Variants in GUCY2C observed in about 807,000 individuals in gnomAD.
GUCY2C encodes guanylyl cyclase C.
A neutral mutation model predicts 131.1 loss-of-function variants in GUCY2C; 118 were observed. That is an observed-to-expected ratio of 0.90 (90% confidence interval 0.78 to 1.05). The LOEUF (loss-of-function observed/expected upper bound fraction) is 1.05, where lower values mean the gene tolerates loss of function less well. Among genes scored for constraint, GUCY2C ranks in the 50% least tolerant of loss-of-function variants. The pLI is 0.00. For synonymous variants in GUCY2C, 452 were observed against 457.8 expected (o/e 0.99, Z 0.16); for missense variants, 1,161 against 1,304.4 (o/e 0.89, Z 1.69).
intron 1 of GUCY2C, among the ~76,000 whole-genome samples, chr12:14,693,872 T>G (rs569759156): frequency 2.6e-5 from 4 of 152,374 alleles, no homozygotes; most frequent in African/African-American, 9.6e-5. Context: ...TCAGATTGTA[T>G]GCATCAGGGA....
At position 14,676,984 on chromosome 12, in the gene GUCY2C, G is replaced by C; in HGVS notation, c.831-13C>G. 1.0e-6 allele frequency: 1 copy of C among 987,196 alleles called. No individual in the cohort carries two copies. Among genetic ancestry groups the C allele is most frequent in the Non-Finnish European group, 1.5e-6 (1 of 665,680 alleles). The allele number at this position is 987,196 out of a possible 1,614,324, so 61.2% of individuals were successfully genotyped here. A position where few individuals can be genotyped will look rare whatever the true frequency, so the allele number is the denominator to read the frequency against. ...AAAGTACTGGTCACTGTAATAAAAA[G>C]CACAGGTTCCTCATGAAAATTAGGA... On this transcript the variant is annotated splice_polypyrimidine_tract_variant and intron_variant, in intron 6 of 26. Transcript: ENST00000261170.
chr12:14,653,742 T>C (rs762558586), intron 12 of GUCY2C, among the ~76,000 whole-genome samples: 93 of 152,350 alleles, frequency 6.1e-4, no homozygotes, highest in Non-Finnish European at 1.1e-3. Flanking sequence ...TTATTATCTT[T>C]GTTAAAATGT....
At chr12:14,666,953 A>G (rs1947993966) in intron 10 of GUCY2C, among the ~76,000 whole-genome samples, 1 of 152,162 alleles carries the variant, frequency 6.6e-6, no homozygotes. Flanking sequence ...GCTCAGGATA[A>G]TATAACGTCC....
intron 1 of GUCY2C, 22 bp downstream of exon 1, chr12:14,696,210 G>A: frequency 2.5e-6 from 4 of 1,571,970 alleles, no homozygotes; most frequent in Non-Finnish European, 3.5e-6. Context: ...AGTGGAGGAA[G>A]ATTCTATTAA....
intron 15 of GUCY2C, among the ~76,000 whole-genome samples, chr12:14,647,955 T>C (rs973469686): frequency 3.3e-5 from 5 of 150,986 alleles, no homozygotes; most frequent in Admixed American, 6.6e-5. Context: ...TACTTATTTA[T>C]TTATTTATTT....
At chr12:14,679,593 T>G in intron 6 of GUCY2C, 64 bp downstream of exon 6, 12 of 827,486 alleles carry the variant, frequency 1.5e-5, no homozygotes, top group Non-Finnish European at 2.6e-5. Flanking sequence ...GAATGTGCCT[T>G]CTGGAAATCC....
chr12:14,613,114 G>A lies in GUCY2C; in HGVS notation c.*3C>T, dbSNP rs773477608. ...TGTGTGAGTCCTTATACCTCATTTA[G>A]GTTTAAAAATAGGTGCTCTCCTTGT... On this transcript the variant is annotated 3_prime_UTR_variant, in exon 27 of 27. Transcript: ENST00000261170. The surrounding 1 kb of genome is among the most constrained non-coding windows in gnomAD (Gnocchi z 4.9). The A allele has an allele frequency of 2.5e-6, 4 of 1,610,988 alleles. No individual in the cohort carries two copies. Among genetic ancestry groups the A allele is most frequent in the Non-Finnish European group, 3.4e-6 (4 of 1,177,444 alleles).
rs139945198 is a variant in GUCY2C, at chr12:14,651,992, A to C, written c.1572T>G (p.Asn524Lys). 1.2e-6 allele frequency: 2 copies of C among 1,602,058 alleles called. No individual in the cohort carries two copies. Among genetic ancestry groups the C allele is most frequent in the Non-Finnish European group, 1.7e-6 (2 of 1,169,592 alleles). ...ATTCTATCTTCTGTTTTTCAGTGAA[A>C]TTACCATCATTGTGCTTGAGATCTT... ...ILKDLKHNDG[N>K]FTEKQKIELN... The change falls in exon 14 of 27, where the codon AAT becomes AAG. Residue 524 changes from asparagine (N) to lysine (K), a missense_variant. Transcript: ENST00000261170.
At chr12:14,688,711 A>G (rs776951801) in intron 1 of GUCY2C, among the ~76,000 whole-genome samples, 5 of 152,230 alleles carry the variant, frequency 3.3e-5, no homozygotes, top group Non-Finnish European at 5.9e-5. Context: ...TTTGTGTGTT[A>G]CACAGAATAA....
At position 14,660,725 on chromosome 12, in the gene GUCY2C, G is replaced by A. The variant is rs147543926; in HGVS notation, c.1364+256C>T. Among the ~76,000 whole-genome samples, 824 of 152,256 alleles carry A rather than the reference G, an allele frequency of 5.4e-3. 5 individuals are homozygous for A. Among genetic ancestry groups the A allele is most frequent in the African/African-American group, 0.01 (430 of 41,544 alleles). On this transcript the variant is annotated intron_variant, in intron 11 of 26. Coordinates refer to ENST00000261170, the MANE Select transcript of GUCY2C (RefSeq NM_004963.4). ...ACCTGTTTAAGTTGCTAAGTAACACGCTTAAGACCACAGAACTAGTAACTC... is the reference window on the plus strand; with the variant it reads ...ACCTGTTTAAGTTGCTAAGTAACACACTTAAGACCACAGAACTAGTAACTC...
chr12:14,685,751 T>C (rs1397011336), intron 3 of GUCY2C, among the ~76,000 whole-genome samples: 3 of 152,178 alleles, frequency 2.0e-5, no homozygotes, highest in Non-Finnish European at 4.4e-5. Context: ...TTCCCCACTT[T>C]TACCAGACCT....
At chr12:14,635,708 C>A (rs188344107) in intron 19 of GUCY2C, among the ~76,000 whole-genome samples, 4 of 151,960 alleles carry the variant, frequency 2.6e-5, no homozygotes, top group East Asian at 3.9e-4. Flanking sequence ...AAACCATTAG[C>A]TAGACTAACC....
chr12:14,669,842 G>A lies in GUCY2C; in HGVS notation c.1171-9C>T. 1 of 1,259,246 alleles carries A rather than the reference G, an allele frequency of 7.9e-7. No homozygotes were observed. Among genetic ancestry groups the A allele is most frequent in the Non-Finnish European group, 1.1e-6 (1 of 884,646 alleles). The allele number at this position is 1,259,246 out of a possible 1,614,324, so 78.0% of individuals were successfully genotyped here. On this transcript the variant is annotated splice_polypyrimidine_tract_variant and intron_variant, in intron 9 of 26. Coordinates refer to ENST00000261170, the MANE Select transcript of GUCY2C (RefSeq NM_004963.4). ...GTCAAAAGAACCTTGTACTGTGTCAGGGCACAAAAAAGAAAAAGGATGAAC... is the reference window on the plus strand; with the variant it reads ...GTCAAAAGAACCTTGTACTGTGTCAAGGCACAAAAAAGAAAAAGGATGAAC...
At chr12:14,639,593 G>C (rs1947352246) in intron 19 of GUCY2C, among the ~76,000 whole-genome samples, 1 of 152,216 alleles carries the variant, frequency 6.6e-6, no homozygotes, top group Non-Finnish European at 1.5e-5. Flanking sequence ...AGGGAGAATA[G>C]ACAGAAGAGA....
rs1947829387 is a variant in GUCY2C, at chr12:14,659,720, C to G, written c.1364+1261G>C. Reference sequence around the variant, plus strand: ...CTTGGGACCCAGCAGAGCCAACTGTCATTCATACTGAATTAGGGGATTTCT... The same window carrying G: ...CTTGGGACCCAGCAGAGCCAACTGTGATTCATACTGAATTAGGGGATTTCT... On this transcript the variant is annotated intron_variant, in intron 11 of 26. Coordinates refer to ENST00000261170, the MANE Select transcript of GUCY2C (RefSeq NM_004963.4). Among the ~76,000 whole-genome samples, 3 of 152,192 alleles carry G rather than the reference C, an allele frequency of 2.0e-5. No homozygotes were observed. The South Asian group carries it at 6.2e-4, about 31-fold the overall frequency.
intron 1 of GUCY2C, among the ~76,000 whole-genome samples, chr12:14,692,623 A>C (rs2137114128): frequency 6.6e-6 from 1 of 152,246 alleles, no homozygotes; most frequent in South Asian, 2.1e-4. Flanking sequence ...CGAGGCGGGC[A>C]GATCACCTGA....
intron 1 of GUCY2C, among the ~76,000 whole-genome samples, chr12:14,691,365 G>T (rs1948572068): frequency 6.6e-6 from 1 of 152,150 alleles, no homozygotes; most frequent in South Asian, 2.1e-4. Context: ...GTCAGCTTCA[G>T]TACTAAGCCC....
chr12:14,692,318 T>C (rs1948589441), intron 1 of GUCY2C, among the ~76,000 whole-genome samples: 1 of 152,226 alleles, frequency 6.6e-6, no homozygotes, highest in South Asian at 2.1e-4. Context: ...TTAAAGACAT[T>C]TGCAAAAGTG....
Position 14,637,748 on chromosome 12 carries a change from C to T in GUCY2C, c.2157+2114G>A, listed in dbSNP as rs146139577. ...ACTCAAGATAGATTTAAGACTTAAACAGAGGACCTGAAACTATGAAACTAT... is the reference window on the plus strand; with the variant it reads ...ACTCAAGATAGATTTAAGACTTAAATAGAGGACCTGAAACTATGAAACTAT... On this transcript the variant is annotated intron_variant, in intron 19 of 26. Transcript: ENST00000261170. Among the ~76,000 whole-genome samples the T allele has an allele frequency of 1.4e-3, 215 of 152,202 alleles. 3 individuals carry two copies. The South Asian group carries it at 0.019, about 13-fold the overall frequency.
Sources: allele counts gnomAD v4.1 joint callset (sites outside exome capture counted in the v4.1 genomes callset), GRCh38; gene constraint gnomAD v4.1.1; non-coding constraint Gnocchi (gnomAD v3.1); transcripts MANE v1.5; gene names NCBI Gene and HGNC (gene_info 2026-07-23, HGNC 2026-07-21).